Variants in WNT2B observed in about 807,000 individuals in gnomAD.
The protein encoded by WNT2B is protein Wnt-2b.
In WNT2B, 19 loss-of-function variants were observed where a neutral mutation model predicts 40.5. The ratio of observed to expected loss-of-function variants is 0.47; its 90% confidence interval spans 0.33 to 0.69. WNT2B has a LOEUF of 0.69. Ranked by LOEUF, WNT2B falls within the 30% of genes least tolerant of loss-of-function variation. The pLI, the probability that WNT2B is intolerant of heterozygous loss-of-function variation, is 0.02. For synonymous variants in WNT2B, 220 were observed against 211.9 expected, an observed-to-expected ratio of 1.04 and a Z score of -0.33; for missense variants, 467 against 556.4, an observed-to-expected ratio of 0.84 and a Z score of 1.62.
At chr1:112,473,889 T>C (rs183156956) in intron 1 of WNT2B, among the ~76,000 whole-genome samples, 71 of 145,208 alleles carry the variant, frequency 4.9e-4, no homozygotes, top group African/African-American at 1.7e-3. Context: ...ACCCCATCTC[T>C]ACTAAAAATA....
At chr1:112,511,501 A>C (rs964922014) in intron 1 of WNT2B, among the ~76,000 whole-genome samples, 5 of 152,214 alleles carry the variant, frequency 3.3e-5, no homozygotes, top group African/African-American at 1.2e-4. Context: ...GATGTTCTGT[A>C]CAACCCGTGG....
intron 1 of WNT2B, among the ~76,000 whole-genome samples, chr1:112,481,355 A>G (rs181960684): frequency 7.2e-4 from 110 of 152,318 alleles, no homozygotes; most frequent in African/African-American, 2.5e-3. Context: ...TTGGCAAAGT[A>G]CAATATCTAT....
At chr1:112,505,063 G>A (rs775238506), upstream of WNT2B, among the ~76,000 whole-genome samples, 2 of 152,232 alleles carry the variant, frequency 1.3e-5, no homozygotes, top group Non-Finnish European at 2.9e-5. Flanking sequence ...AGAGCATAAG[G>A]TGACATCAAG....
At chr1:112,501,291 G>T (rs1284074013) in intron 1 of WNT2B, among the ~76,000 whole-genome samples, 1 of 152,144 alleles carries the variant, frequency 6.6e-6, no homozygotes, top group African/African-American at 2.4e-5. Context: ...TGTTGACCTT[G>T]ATCACCCAGT....
At chr1:112,481,523 T>C (rs1651224502) in intron 1 of WNT2B, among the ~76,000 whole-genome samples, 1 of 152,138 alleles carries the variant, frequency 6.6e-6, no homozygotes, top group Non-Finnish European at 1.5e-5. Context: ...TTCACCTTCT[T>C]TTCAACATAG....
chr1:112,522,923 T>C lies in WNT2B; in HGVS notation c.*2414T>C, dbSNP rs150319078. On this transcript the variant is annotated 3_prime_UTR_variant, in exon 5 of 5. Transcript: ENST00000369684. ...GAGGGGAAGAGAACAGCTGACATCT[T>C]GAGGAAAGCTTTGGGGTAGTGGAGA... is the stretch of plus-strand genomic sequence containing the variant. 1.3e-5 allele frequency: 2 copies of C among 152,230 alleles called. No homozygotes were observed. The highest frequency in any genetic ancestry group is 1.9e-4 in the East Asian group (1 of 5,176). 9.4% of individuals were successfully genotyped at this position (152,230 alleles called of 1,614,324 possible).
intron 1 of WNT2B, among the ~76,000 whole-genome samples, chr1:112,511,475 A>C (rs1459450267): frequency 6.6e-6 from 1 of 152,220 alleles, no homozygotes; most frequent in Non-Finnish European, 1.5e-5. Flanking sequence ...TCTCTTAGGA[A>C]AAAACCAGCA....
chr1:112,520,457 A>T lies in WNT2B; in HGVS notation c.1124A>T (p.Asp375Val). The T allele has an allele frequency of 1.2e-6, 2 of 1,614,194 alleles. No individual in the cohort carries two copies. Among genetic ancestry groups the T allele is most frequent in the South Asian group, 2.2e-5 (2 of 91,082 alleles). Residue 375 changes from aspartate (D) to valine (V), a missense_variant, in exon 5 of 5, where the codon GAC becomes GTC. Around this residue, in one of 2 missense-constraint regions of WNT2B, gnomAD observed 330 missense variants for 438.6 expected, o/e 0.75. Coordinates refer to ENST00000369684, the MANE Select transcript of WNT2B (RefSeq NM_024494.3). ...TGCAAGGAATGCAGAAATACTGTGGACGTCCATACTTGCAAAGCCCCCAAG... is the reference window on the plus strand; with the variant it reads ...TGCAAGGAATGCAGAAATACTGTGGTCGTCCATACTTGCAAAGCCCCCAAG... ...VRCKECRNTVDVHTCKAPKKA... is the reference protein window; with the variant it reads ...VRCKECRNTVVVHTCKAPKKA...
At chr1:112,469,807 T>A (rs1199329863) in intron 1 of WNT2B, among the ~76,000 whole-genome samples, 3 of 152,048 alleles carry the variant, frequency 2.0e-5, no homozygotes, top group Non-Finnish European at 2.9e-5. Context: ...AGAGATGGGG[T>A]TTCACCGTGT....
chr1:112,502,983 TCACA>T (rs930083702), intron 1 of WNT2B, among the ~76,000 whole-genome samples: 3 of 151,644 alleles, frequency 2.0e-5, no homozygotes, highest in African/African-American at 7.3e-5. Flanking sequence ...GCACACACAC[TCACA>T]CACACACCAT....
chr1:112,485,135 ACTAT>A (rs1651371994), intron 1 of WNT2B, among the ~76,000 whole-genome samples: 1 of 152,248 alleles, frequency 6.6e-6, no homozygotes, highest in African/African-American at 2.4e-5. Context: ...AGAAAATGTC[ACTAT>A]CTAACTTCAA....
intron 1 of WNT2B, among the ~76,000 whole-genome samples, chr1:112,498,089 C>T (rs2101070821): frequency 6.6e-6 from 1 of 152,018 alleles, no homozygotes; most frequent in South Asian, 2.1e-4. Flanking sequence ...CCCCCAACCC[C>T]CGATAGGCCC....
chr1:112,474,840 A>T (rs1304119013), intron 1 of WNT2B, among the ~76,000 whole-genome samples: 1 of 152,174 alleles, frequency 6.6e-6, no homozygotes, highest in African/African-American at 2.4e-5. Context: ...TTCTCATGAT[A>T]ATGAGTAAGT....
chr1:112,495,097 T>A (rs1386841327), intron 1 of WNT2B, among the ~76,000 whole-genome samples: 1 of 151,388 alleles, frequency 6.6e-6, no homozygotes, highest in East Asian at 1.9e-4. Context: ...TAGTTATAAA[T>A]GTCTATTCTG....
intron 1 of WNT2B, among the ~76,000 whole-genome samples, chr1:112,484,306 T>TATATATATACACACACACATATATAG (rs1557909989): frequency 8.4e-5 from 12 of 142,596 alleles, no homozygotes; most frequent in African/African-American, 2.9e-4. Context: ...CACATATATA[T>TATATATATACACACACACATATATAG]AGAGAGAGAG....
At chr1:112,483,200 A>T (rs1371921734) in intron 1 of WNT2B, among the ~76,000 whole-genome samples, 1 of 130,242 alleles carries the variant, frequency 7.7e-6, no homozygotes, top group Non-Finnish European at 1.6e-5. Context: ...ACACACACAC[A>T]CACACACACA....
chr1:112,496,182 T>G (rs1046017374), intron 1 of WNT2B, among the ~76,000 whole-genome samples: 3 of 152,180 alleles, frequency 2.0e-5, no homozygotes, highest in African/African-American at 7.2e-5. Context: ...GATGTAATCA[T>G]AGCTCACTGC....
Position 112,520,680 on chromosome 1 carries a change from T to C in WNT2B, c.*171T>C. The stretch of plus-strand genomic sequence containing the variant: ...GGTGTCCTGGCTGGTTCCTTAGCCC[T>C]GGGAAGGAGTTGTCAGGGGATATAA... On this transcript the variant is annotated 3_prime_UTR_variant, in exon 5 of 5. Transcript: ENST00000369684. 1.5e-6 allele frequency: 1 copy of C among 684,730 alleles called. No homozygotes were observed. Among genetic ancestry groups the C allele is most frequent in the Non-Finnish European group, 2.4e-6 (1 of 409,176 alleles). The allele number at this position is 684,730 out of a possible 1,614,324, so 42.4% of individuals were successfully genotyped here.
At position 112,497,977 on chromosome 1, in the gene WNT2B, C is replaced by T. The variant is rs538157091; in HGVS notation, c.-94-16897C>T. Among the ~76,000 whole-genome samples, 14 of 151,718 alleles carry T rather than the reference C, an allele frequency of 9.2e-5. No homozygotes were observed. In the East Asian group the frequency reaches 2.3e-3, roughly 25 times the overall value. On this transcript the variant is annotated intron_variant, in intron 1 of 4. Transcript: ENST00000256640. ...TGTGCAGGTTTGTTATATAGGTATA[C>T]ATGTACCATGGTGGTTTGCTGCACC...
Sources: allele counts gnomAD v4.1 joint callset (sites outside exome capture counted in the v4.1 genomes callset), GRCh38; gene constraint gnomAD v4.1.1; regional missense constraint gnomAD v4.1.1; transcripts MANE v1.5; gene names NCBI Gene and HGNC (gene_info 2026-07-23, HGNC 2026-07-21).